Variants in SGCZ observed in about 807,000 individuals in gnomAD.
SGCZ encodes the protein sarcoglycan zeta.
Under a neutral mutation model 41.3 loss-of-function variants are expected in SGCZ, and 40 were observed. The ratio of observed to expected loss-of-function variants is 0.97; its 90% CI spans 0.75 to 1.26. SGCZ has a LOEUF of 1.26. SGCZ is among the 50% of genes most tolerant of loss of function. The pLI, the probability that SGCZ is intolerant of heterozygous loss-of-function variation, is 0.00. For missense variants in SGCZ, 552 were observed against 369.8 expected, an observed-to-expected ratio of 1.49 and a Z score of -4.04; for synonymous variants, 206 against 137.5, an observed-to-expected ratio of 1.50 and a Z score of -3.49.
At chr8:14,417,524 A>G (rs1230055612) in intron 2 of SGCZ, among the ~76,000 whole-genome samples, 1 of 151,818 alleles carries the variant, frequency 6.6e-6, no homozygotes, top group Admixed American at 6.6e-5. Context: ...GTATCTGGGG[A>G]TTGTTCCATG....
chr8:14,235,797 G>C (rs984200786), intron 4 of SGCZ, among the ~76,000 whole-genome samples: 5 of 152,130 alleles, frequency 3.3e-5, no homozygotes, highest in African/African-American at 1.2e-4. Flanking sequence ...TGATTCTCCA[G>C]CCTCAGCCTC....
chr8:15,121,752 G>T (rs1415254660), intron 1 of SGCZ, among the ~76,000 whole-genome samples: 1 of 152,048 alleles, frequency 6.6e-6, no homozygotes, highest in Non-Finnish European at 1.5e-5. Flanking sequence ...AGTGGAAATT[G>T]TATCAACCAA....
intron 1 of SGCZ, among the ~76,000 whole-genome samples, chr8:14,669,194 A>AATAT (rs10672041): frequency 0.19 from 28,290 of 146,394 alleles, 3,230 homozygotes; most frequent in East Asian, 0.43. Context: ...ACACACTACA[A>AATAT]ATATATATAT....
intron 1 of SGCZ, among the ~76,000 whole-genome samples, chr8:15,055,591 C>A (rs1585517322): frequency 6.6e-6 from 1 of 152,282 alleles, no homozygotes; most frequent in African/African-American, 2.4e-5. Context: ...TTTTATGGGA[C>A]TGAGAAGGCC....
At chr8:14,773,486 C>T (rs1800310580) in intron 1 of SGCZ, among the ~76,000 whole-genome samples, 1 of 152,160 alleles carries the variant, frequency 6.6e-6, no homozygotes, top group Non-Finnish European at 1.5e-5. Context: ...AAAGCTGAGC[C>T]ATATGATCAA....
rs144687399 is a variant in SGCZ, at chr8:14,842,987, C to A, written c.40-288061G>T. Among the ~76,000 whole-genome samples, 1,204 of 152,246 alleles carry A rather than the reference C, an allele frequency of 7.9e-3. 19 individuals are homozygous for A. Among genetic ancestry groups the A allele is most frequent in the African/African-American group, 0.028 (1,147 of 41,556 alleles). On this transcript the variant is annotated intron_variant, in intron 1 of 7. Coordinates refer to ENST00000382080, the MANE Select transcript of SGCZ (RefSeq NM_139167.4). ...CAGCACTCTGGGAGGCCAAGGCGAG[C>A]GGATCTCCTGAGGTCAAAGGTTTGA...
intron 1 of SGCZ, among the ~76,000 whole-genome samples, chr8:14,907,226 G>T (rs2130770331): frequency 6.6e-6 from 1 of 152,070 alleles, no homozygotes; most frequent in South Asian, 2.1e-4. Flanking sequence ...ACAGAGTCTT[G>T]CTCTGTCACT....
At chr8:14,794,762 A>C (rs1470132980) in intron 1 of SGCZ, among the ~76,000 whole-genome samples, 1 of 152,210 alleles carries the variant, frequency 6.6e-6, no homozygotes, top group Non-Finnish European at 1.5e-5. Context: ...CTTGGTTATA[A>C]AGAGATTATG....
intron 1 of SGCZ, among the ~76,000 whole-genome samples, chr8:15,188,961 C>T (rs1800439791): frequency 6.6e-6 from 1 of 152,028 alleles, no homozygotes; most frequent in Non-Finnish European, 1.5e-5. Flanking sequence ...CTTTGACATT[C>T]ATCCTCCATT....
chr8:14,497,135 T>C (rs891166622), intron 2 of SGCZ, among the ~76,000 whole-genome samples: 8 of 152,168 alleles, frequency 5.3e-5, no homozygotes, highest in Admixed American at 1.3e-4. Context: ...GTTGTGTTAG[T>C]CCATTTATAT....
chr8:14,877,412 T>C (rs939504657), intron 1 of SGCZ, among the ~76,000 whole-genome samples: 2 of 152,176 alleles, frequency 1.3e-5, no homozygotes, highest in Non-Finnish European at 2.9e-5. Flanking sequence ...TCAAATCTGC[T>C]CCATGATCTA....
At chr8:14,829,296 A>G (rs1044537459) in intron 1 of SGCZ, among the ~76,000 whole-genome samples, 3 of 134,812 alleles carry the variant, frequency 2.2e-5, no homozygotes, top group East Asian at 4.0e-4. Flanking sequence ...TGTTTTTTAA[A>G]AAACTGCATT....
At chr8:15,125,001 A>G (rs760646358) in intron 1 of SGCZ, among the ~76,000 whole-genome samples, 17 of 152,314 alleles carry the variant, frequency 1.1e-4, no homozygotes, top group Non-Finnish European at 2.2e-4. Flanking sequence ...AAGGTTATAT[A>G]TAGTAACCTT....
intron 1 of SGCZ, among the ~76,000 whole-genome samples, chr8:14,998,450 G>A (rs536405876): frequency 6.6e-6 from 1 of 152,184 alleles, no homozygotes; most frequent in Admixed American, 6.5e-5. Context: ...AGCAGAAAAT[G>A]ATGACAGATA....
At chr8:14,183,617 G>C (rs1399662196) in intron 4 of SGCZ, among the ~76,000 whole-genome samples, 4 of 152,112 alleles carry the variant, frequency 2.6e-5, no homozygotes, top group African/African-American at 9.7e-5. Flanking sequence ...TCTCAGCATA[G>C]TTACAAAAAT....
chr8:14,255,029 A>G (rs1244323507), intron 3 of SGCZ, among the ~76,000 whole-genome samples: 2 of 152,222 alleles, frequency 1.3e-5, no homozygotes, highest in Admixed American at 6.5e-5. Flanking sequence ...GCCTCTTCCA[A>G]TGGGCATGGA....
intron 1 of SGCZ, among the ~76,000 whole-genome samples, chr8:14,831,524 T>G (rs965323397): frequency 6.6e-6 from 1 of 152,082 alleles, no homozygotes; most frequent in African/African-American, 2.4e-5. Context: ...CTACTACTTA[T>G]TCTACTAGAC....
chr8:14,630,038 G>C (rs1004438139), intron 1 of SGCZ, among the ~76,000 whole-genome samples: 3 of 151,850 alleles, frequency 2.0e-5, no homozygotes, highest in African/African-American at 7.3e-5. Context: ...AGATATATTA[G>C]GGAAAAAAAT....
At chr8:14,683,340 G>C (rs918362795) in intron 1 of SGCZ, among the ~76,000 whole-genome samples, 1 of 151,900 alleles carries the variant, frequency 6.6e-6, no homozygotes. Flanking sequence ...AATAACACTT[G>C]TATAAATTTA....
Sources: allele counts gnomAD v4.1 joint callset (sites outside exome capture counted in the v4.1 genomes callset), GRCh38; gene constraint gnomAD v4.1.1; transcripts MANE v1.5; gene names NCBI Gene and HGNC (gene_info 2026-07-23, HGNC 2026-07-21).